Variants in HMGCLL1 observed in about 807,000 individuals in gnomAD.
HMGCLL1 encodes the protein 3-hydroxymethyl-3-methylglutaryl-CoA lyase, cytoplasmic.
In HMGCLL1, 36 loss-of-function variants were observed where a neutral mutation model predicts 39.1. The ratio of observed to expected loss-of-function variants is 0.92; its 90% CI spans 0.71 to 1.22. The LOEUF is 1.22. Among genes scored for constraint, HMGCLL1 ranks in the 50% most tolerant of loss-of-function variants. The pLI is 0.00. For missense variants in HMGCLL1, 451 were observed against 416.5 expected, an observed-to-expected ratio of 1.08 and a Z score of -0.72; for synonymous variants, 149 against 144.0, an observed-to-expected ratio of 1.03 and a Z score of -0.25.
chr6:55,589,063 G>A, the HMGCLL1 span, among the ~76,000 whole-genome samples: 2 of 152,142 alleles, frequency 1.3e-5, no homozygotes, highest in African/African-American at 4.8e-5. Context: ...TATGAGGCCA[G>A]CATCATCCTG....
the HMGCLL1 span, among the ~76,000 whole-genome samples, chr6:55,590,306 T>G: frequency 6.6e-6 from 1 of 152,100 alleles, no homozygotes; most frequent in African/African-American, 2.4e-5. Context: ...GGGGAAAGGA[T>G]TCCCTATTTA....
chr6:55,677,436 AC>A, the HMGCLL1 span, among the ~76,000 whole-genome samples: 1 of 152,174 alleles, frequency 6.6e-6, no homozygotes, highest in Non-Finnish European at 1.5e-5. Flanking sequence ...AAAGCCTGAG[AC>A]AAATTGTGAG....
the HMGCLL1 span, among the ~76,000 whole-genome samples, chr6:55,619,882 T>A: frequency 2.6e-5 from 4 of 152,128 alleles, no homozygotes; most frequent in Non-Finnish European, 5.9e-5. Context: ...CTACTCTCTA[T>A]CTCCATGAGT....
At chr6:55,651,381 A>G in the HMGCLL1 span, among the ~76,000 whole-genome samples, 1 of 152,044 alleles carries the variant, frequency 6.6e-6, no homozygotes, top group Non-Finnish European at 1.5e-5. Context: ...AATGTTACCT[A>G]TAAGCTAGGG....
upstream of HMGCLL1, among the ~76,000 whole-genome samples, chr6:55,582,833 AT>A (rs1772007728): frequency 2.0e-5 from 3 of 152,212 alleles, no homozygotes; most frequent in East Asian, 5.8e-4. Context: ...ATTTGAAACC[AT>A]GATGCTATTG....
the HMGCLL1 span, among the ~76,000 whole-genome samples, chr6:55,588,760 A>G: frequency 6.6e-6 from 1 of 152,220 alleles, no homozygotes; most frequent in East Asian, 1.9e-4. Context: ...AACTACCATC[A>G]GAGAATATTA....
chr6:55,641,707 A>G, the HMGCLL1 span, among the ~76,000 whole-genome samples: 1 of 151,946 alleles, frequency 6.6e-6, no homozygotes, highest in Non-Finnish European at 1.5e-5. Flanking sequence ...GTATTCTATA[A>G]CTAGAAAACA....
the HMGCLL1 span, among the ~76,000 whole-genome samples, chr6:55,619,808 T>C: frequency 6.6e-6 from 1 of 152,106 alleles, no homozygotes; most frequent in Non-Finnish European, 1.5e-5. Context: ...TATTTAACTA[T>C]ATTTAGGTAC....
intron 7 of HMGCLL1, among the ~76,000 whole-genome samples, chr6:55,478,028 T>A (rs1245936594): frequency 6.6e-6 from 1 of 150,644 alleles, no homozygotes; most frequent in Admixed American, 6.6e-5. Flanking sequence ...CTATAAAGCA[T>A]CTGGGCTTGA....
At chr6:55,548,553 T>A (rs1221330437) in intron 1 of HMGCLL1, among the ~76,000 whole-genome samples, 1 of 152,008 alleles carries the variant, frequency 6.6e-6, no homozygotes, top group Non-Finnish European at 1.5e-5. Context: ...TAAAATTGTT[T>A]ATTCAAATTT....
the HMGCLL1 span, among the ~76,000 whole-genome samples, chr6:55,609,755 C>CT: frequency 2.0e-5 from 3 of 152,122 alleles, no homozygotes; most frequent in African/African-American, 7.2e-5. Flanking sequence ...TGCCCAACAC[C>CT]TTATACAGGA....
intron 5 of HMGCLL1, among the ~76,000 whole-genome samples, chr6:55,508,435 G>A (rs7769320): frequency 0.67 from 102,188 of 151,528 alleles, 34,482 homozygotes; most frequent in Non-Finnish European, 0.7. Context: ...AATAAGATTA[G>A]AAATAAATTT....
At chr6:55,655,160 T>A in the HMGCLL1 span, among the ~76,000 whole-genome samples, 1 of 151,974 alleles carries the variant, frequency 6.6e-6, no homozygotes, top group Non-Finnish European at 1.5e-5. Context: ...CTACAATGTA[T>A]TTTCAACCTA....
intron 7 of HMGCLL1, among the ~76,000 whole-genome samples, chr6:55,451,201 C>T (rs1764065554): frequency 6.6e-6 from 1 of 152,154 alleles, no homozygotes; most frequent in Non-Finnish European, 1.5e-5. Flanking sequence ...ATTTTTCATA[C>T]TAATCTGCAA....
intron 7 of HMGCLL1, among the ~76,000 whole-genome samples, chr6:55,465,144 T>C (rs1214606198): frequency 1.3e-5 from 2 of 152,198 alleles, no homozygotes; most frequent in Non-Finnish European, 2.9e-5. Flanking sequence ...TGTATTTGGT[T>C]TAAACACATA....
At chr6:55,662,802 C>A in the HMGCLL1 span, among the ~76,000 whole-genome samples, 7 of 151,590 alleles carry the variant, frequency 4.6e-5, no homozygotes, top group Non-Finnish European at 7.4e-5. Context: ...GCTGTGAATC[C>A]ATCTGACCCT....
chr6:55,453,729 C>A (rs4236130), intron 7 of HMGCLL1, among the ~76,000 whole-genome samples: 70,847 of 152,032 alleles, frequency 0.47, 16,745 homozygotes, highest in African/African-American at 0.55. Context: ...GCAATACATC[C>A]AATCATTAGT....
At chr6:55,646,065 C>T in the HMGCLL1 span, among the ~76,000 whole-genome samples, 1 of 151,722 alleles carries the variant, frequency 6.6e-6, no homozygotes, top group Non-Finnish European at 1.5e-5. Flanking sequence ...CAGCTTTGAT[C>T]TCATTATTTG....
chr6:55,636,684 C>T, the HMGCLL1 span, among the ~76,000 whole-genome samples: 1 of 152,120 alleles, frequency 6.6e-6, no homozygotes, highest in African/African-American at 2.4e-5. Flanking sequence ...GCATTCACAC[C>T]AGGTCCCCCA....
Sources: gnomAD v4.1 joint callset for allele counts (sites outside exome capture counted in the v4.1 genomes callset) on GRCh38, gnomAD v4.1.1 for gene constraint, MANE v1.5 for transcripts, NCBI Gene and HGNC (gene_info 2026-07-23, HGNC 2026-07-21) for gene names.